Variants in WDR72 observed in about 807,000 individuals in gnomAD.
The protein encoded by WDR72 is WD repeat domain 72, also known as WD repeat-containing protein 72.
In WDR72, 120 loss-of-function variants were observed where a neutral mutation model predicts 124.2. The observed-to-expected ratio is 0.97, with a 90% CI of 0.83 to 1.12. WDR72 has a LOEUF of 1.12. WDR72 is among the 50% of genes most tolerant of loss of function. WDR72 has a pLI of 0.00. For missense variants in WDR72, 1,387 were observed against 1,278.8 expected (o/e 1.08, Z -1.29); for synonymous variants, 452 against 441.7 (o/e 1.02, Z -0.29).
chr15:53,577,543 C>A (rs2011680003), intron 18 of WDR72, among the ~76,000 whole-genome samples: 1 of 152,080 alleles, frequency 6.6e-6, no homozygotes, highest in Non-Finnish European at 1.5e-5. Context: ...ACACATTCTA[C>A]CTTGTGTCTT....
At chr15:53,733,240 T>A in intron 1 of WDR72, 79 bp from the exon 2 acceptor site, 23 of 1,489,866 alleles carry the variant, frequency 1.5e-5, no homozygotes, top group Non-Finnish European at 2.1e-5. Flanking sequence ...ACAAGCAGAT[T>A]TATGATGACC....
At chr15:53,742,226 C>G (rs2018529246) in intron 1 of WDR72, among the ~76,000 whole-genome samples, 1 of 152,130 alleles carries the variant, frequency 6.6e-6, no homozygotes, top group African/African-American at 2.4e-5. Flanking sequence ...GGATAGAAAG[C>G]AAATCCATGT....
chr15:53,571,906 C>A (rs982655857), intron 18 of WDR72, among the ~76,000 whole-genome samples: 1 of 151,948 alleles, frequency 6.6e-6, no homozygotes, highest in Non-Finnish European at 1.5e-5. Context: ...TTTATAATAG[C>A]CATTCTAATA....
chr15:53,666,266 A>G (rs1321489901), intron 13 of WDR72, among the ~76,000 whole-genome samples: 1 of 152,166 alleles, frequency 6.6e-6, no homozygotes, highest in Non-Finnish European at 1.5e-5. Context: ...GTGTCCCCAC[A>G]GGGCTTTGCT....
intron 17 of WDR72, among the ~76,000 whole-genome samples, chr15:53,597,823 T>C (rs938065475): frequency 3.3e-5 from 5 of 152,148 alleles, no homozygotes; most frequent in African/African-American, 1.2e-4. Context: ...CCAATTGCTG[T>C]GTGTGCCCAG....
At position 53,515,519 on chromosome 15, in the gene WDR72, C is replaced by G. The variant is rs1891413784; in HGVS notation, c.*2180G>C. The G allele has an allele frequency of 6.6e-6, 1 of 152,158 alleles. No homozygotes were observed. Among genetic ancestry groups the G allele is most frequent in the African/African-American group, 2.4e-5 (1 of 41,444 alleles). The allele number at this position is 152,158 out of a possible 1,614,324, so 9.4% of individuals were successfully genotyped here. On this transcript the variant is annotated 3_prime_UTR_variant, in exon 20 of 20. Coordinates refer to ENST00000360509, the MANE Select transcript of WDR72 (RefSeq NM_182758.4). Reference sequence around the variant, plus strand: ...TTAGGAGAGCATTGCTTGAATATCTCTAAAACTATTTTTAGGAATTAAAAG... The same window carrying G: ...TTAGGAGAGCATTGCTTGAATATCTGTAAAACTATTTTTAGGAATTAAAAG...
chr15:53,720,388 A>G (rs2017844178), intron 3 of WDR72, among the ~76,000 whole-genome samples: 1 of 152,172 alleles, frequency 6.6e-6, no homozygotes, highest in Admixed American at 6.5e-5. Context: ...TGTCTTATAA[A>G]GTTTCTGCAG....
intron 19 of WDR72, among the ~76,000 whole-genome samples, chr15:53,521,039 A>G (rs1375481745): frequency 1.3e-5 from 2 of 152,088 alleles, no homozygotes; most frequent in African/African-American, 4.8e-5. Flanking sequence ...GTGTCCCTGA[A>G]CTGCACAGAG....
chr15:53,529,162 A>ATT (rs1255013586), intron 18 of WDR72, among the ~76,000 whole-genome samples: 13 of 58,740 alleles, frequency 2.2e-4, no homozygotes, highest in Admixed American at 2.2e-3. Context: ...ATATATATAT[A>ATT]TATTTTTTTT....
intron 1 of WDR72, among the ~76,000 whole-genome samples, chr15:53,748,908 A>C (rs2018708165): frequency 6.6e-6 from 1 of 152,186 alleles, no homozygotes; most frequent in South Asian, 2.1e-4. Flanking sequence ...AATATTTATT[A>C]TCTGCTACAT....
intron 14 of WDR72, among the ~76,000 whole-genome samples, chr15:53,624,559 G>A (rs994223818): frequency 6.6e-6 from 1 of 152,184 alleles, no homozygotes; most frequent in African/African-American, 2.4e-5. Flanking sequence ...AATAGGCCTA[G>A]TGCACTGCCA....
rs559373311 is a variant in WDR72, at chr15:53,704,985, G to C, written c.1348+3C>G. The C allele has an allele frequency of 1.2e-6, 2 of 1,613,524 alleles. No homozygotes were observed. Among genetic ancestry groups the C allele is most frequent in the South Asian group, 2.2e-5 (2 of 91,028 alleles). ...TAAATAGGGTCAAATAAAATTCAAG[G>C]ACCTTTTACTAAAGAACCACCTTCC... is the stretch of plus-strand genomic sequence containing the variant. On this transcript the variant is annotated splice_donor_region_variant and intron_variant, in intron 11 of 19. Transcript: ENST00000360509.
At chr15:53,520,692 A>AGAG (rs1387444230) in intron 19 of WDR72, among the ~76,000 whole-genome samples, 2 of 152,086 alleles carry the variant, frequency 1.3e-5, no homozygotes, top group African/African-American at 4.8e-5. Context: ...CTAAACCACT[A>AGAG]GAGTAATGCT....
chr15:53,560,578 C>T (rs1401668727), intron 18 of WDR72, among the ~76,000 whole-genome samples: 1 of 151,602 alleles, frequency 6.6e-6, no homozygotes, highest in African/African-American at 2.4e-5. Context: ...TATTTTTTTT[C>T]CAAGAATTAA....
intron 14 of WDR72, among the ~76,000 whole-genome samples, chr15:53,648,098 C>G (rs1052192202): frequency 2.0e-5 from 3 of 152,076 alleles, no homozygotes; most frequent in Non-Finnish European, 4.4e-5. Context: ...TGAATAGACA[C>G]GTCATGATCC....
intron 18 of WDR72, among the ~76,000 whole-genome samples, chr15:53,595,803 G>A (rs1188706496): frequency 6.6e-6 from 1 of 152,066 alleles, no homozygotes; most frequent in East Asian, 1.9e-4. Context: ...TGATGAAACA[G>A]GAGCTTTTTC....
chr15:53,682,488 TTTC>T (rs2016428263), intron 13 of WDR72, among the ~76,000 whole-genome samples: 1 of 152,176 alleles, frequency 6.6e-6, no homozygotes, highest in African/African-American at 2.4e-5. Context: ...GGTCAAACTC[TTTC>T]TTATTACTGT....
intron 1 of WDR72, among the ~76,000 whole-genome samples, chr15:53,734,015 T>C (rs563597585): frequency 1.4e-4 from 22 of 152,340 alleles, no homozygotes; most frequent in African/African-American, 3.4e-4. Flanking sequence ...ACTTCCCACA[T>C]TGCTTTGAGA....
intron 18 of WDR72, among the ~76,000 whole-genome samples, chr15:53,549,429 C>A (rs952154857): frequency 6.6e-6 from 1 of 152,144 alleles, no homozygotes; most frequent in African/African-American, 2.4e-5. Context: ...ATACTTTACA[C>A]ATCTTGCATC....
Sources: allele counts gnomAD v4.1 joint callset (sites outside exome capture counted in the v4.1 genomes callset), GRCh38; gene constraint gnomAD v4.1.1; transcripts MANE v1.5; gene names NCBI Gene and HGNC (gene_info 2026-07-23, HGNC 2026-07-21).